Variants in DIAPH2 observed in about 807,000 individuals in gnomAD.
DIAPH2 encodes the protein diaphanous related formin 2.
Under a neutral mutation model 92.7 loss-of-function variants are expected in DIAPH2, and 35 were observed. The ratio of observed to expected loss-of-function variants is 0.38; its 90% CI spans 0.29 to 0.50. DIAPH2 has a LOEUF of 0.50. DIAPH2 is among the 20% of genes least tolerant of loss of function. The pLI is 0.94. For missense variants in DIAPH2, 701 were observed against 819.5 expected (o/e 0.86, Z 1.77); for synonymous variants, 301 against 280.4 (o/e 1.07, Z -0.73).
intron 4 of DIAPH2, among the ~76,000 whole-genome samples, chrX:96,784,918 A>G: frequency 8.9e-6 from 1 of 112,462 alleles, no homozygotes; most frequent in East Asian, 2.8e-4. Context: ...CATCTCAGAA[A>G]AGATGAGCAG....
intron 26 of DIAPH2, among the ~76,000 whole-genome samples, chrX:97,533,879 G>A (rs1193829660): frequency 9.0e-6 from 1 of 111,514 alleles, no homozygotes; most frequent in Non-Finnish European, 1.9e-5. Context: ...GAAGAATACC[G>A]TTGATTTCCT....
At chrX:97,459,496 C>T (rs1224263792) in intron 26 of DIAPH2, among the ~76,000 whole-genome samples, 1 of 112,072 alleles carries the variant, frequency 8.9e-6, no homozygotes, top group East Asian at 2.8e-4. Context: ...TTCTTAAATA[C>T]ATAATAGAGT....
intron 23 of DIAPH2, among the ~76,000 whole-genome samples, chrX:97,289,812 C>T (rs944109088): frequency 9.1e-6 from 1 of 109,333 alleles, no homozygotes; most frequent in Non-Finnish European, 1.9e-5. Flanking sequence ...GTAACCTCTG[C>T]CTCCTGGGTT....
intron 4 of DIAPH2, among the ~76,000 whole-genome samples, chrX:96,879,704 T>TACAG (rs1182613051): frequency 9.0e-6 from 1 of 111,180 alleles, no homozygotes; most frequent in African/African-American, 3.3e-5. Context: ...ACTGTGCCAT[T>TACAG]TAGGTGATGA....
At chrX:97,262,922 A>G (rs2081169975) in intron 23 of DIAPH2, among the ~76,000 whole-genome samples, 1 of 112,089 alleles carries the variant, frequency 8.9e-6, no homozygotes, top group Non-Finnish European at 1.9e-5. Context: ...GGTACAGCCT[A>G]TGTGGTAGGA....
intron 22 of DIAPH2, among the ~76,000 whole-genome samples, chrX:97,232,038 C>T (rs1427842044): frequency 9.0e-6 from 1 of 111,146 alleles, no homozygotes; most frequent in Non-Finnish European, 1.9e-5. Context: ...TTGGTCATCA[C>T]GAGTTATTCT....
intron 25 of DIAPH2, among the ~76,000 whole-genome samples, chrX:97,390,322 C>T (rs764756561): frequency 5.2e-5 from 5 of 95,690 alleles, no homozygotes; most frequent in Admixed American, 2.6e-4. Context: ...CGGGCTCAAA[C>T]GATCCTCCCA....
intron 22 of DIAPH2, among the ~76,000 whole-genome samples, chrX:97,209,872 CTTCTT>C (rs895169017): frequency 4.1e-4 from 45 of 110,364 alleles, no homozygotes; most frequent in African/African-American, 1.4e-3. Flanking sequence ...ACGGAAATCA[CTTCTT>C]TTTTTTATAT....
intron 26 of DIAPH2, among the ~76,000 whole-genome samples, chrX:97,432,398 G>T (rs749433929): frequency 2.7e-5 from 3 of 111,339 alleles, no homozygotes; most frequent in East Asian, 5.6e-4. Context: ...GGGTTCAAGA[G>T]ATTCTCGTGC....
At chrX:97,582,456 C>G (rs2071446947) in intron 26 of DIAPH2, among the ~76,000 whole-genome samples, 1 of 107,677 alleles carries the variant, frequency 9.3e-6, no homozygotes, top group South Asian at 4.3e-4. Context: ...ATATGAAATT[C>G]TGGGTTGAAA....
chrX:96,717,475 A>G (rs1602449603), intron 1 of DIAPH2, among the ~76,000 whole-genome samples: 2 of 107,018 alleles, frequency 1.9e-5, no homozygotes, highest in East Asian at 5.9e-4. Flanking sequence ...TTAGGACTGT[A>G]TATCCTCCCG....
At position 97,465,066 on chromosome X, in the gene DIAPH2, C is replaced by T. The variant is rs1312684335; in HGVS notation, c.3241+35321C>T. On this transcript the variant is annotated intron_variant, in intron 26 of 26. Transcript: ENST00000324765. ...TTCTCCATTTTGGTCAGGCTGGTCTCGAACTCCTGACCTCAGGTGATCTAC... is the reference window on the plus strand; with the variant it reads ...TTCTCCATTTTGGTCAGGCTGGTCTTGAACTCCTGACCTCAGGTGATCTAC... Among the ~76,000 whole-genome samples, 6 of 110,824 alleles carry T rather than the reference C, an allele frequency of 5.4e-5. No individual in the cohort carries two copies. In the South Asian group the frequency reaches 1.5e-3, roughly 29 times the overall value.
chrX:97,498,064 G>A (rs961618236), intron 26 of DIAPH2, among the ~76,000 whole-genome samples: 2 of 111,506 alleles, frequency 1.8e-5, no homozygotes, highest in Non-Finnish European at 3.8e-5. Context: ...CAGCACCTCT[G>A]ACATATTGAC....
chrX:97,326,106 CA>C (rs1248015935), intron 23 of DIAPH2, among the ~76,000 whole-genome samples: 1 of 111,932 alleles, frequency 8.9e-6, no homozygotes, highest in Admixed American at 9.5e-5. Context: ...AGAAGTCTAA[CA>C]AAAAATATTC....
chrX:96,821,501 GCAGT>G (rs1237981018), intron 4 of DIAPH2, among the ~76,000 whole-genome samples: 1 of 111,891 alleles, frequency 8.9e-6, no homozygotes, highest in East Asian at 2.8e-4. Flanking sequence ...AGATGGATAT[GCAGT>G]CAGTGATGAT....
chrX:97,480,808 CTG>C (rs1228571612), intron 26 of DIAPH2, among the ~76,000 whole-genome samples: 1 of 111,659 alleles, frequency 9.0e-6, no homozygotes, highest in Non-Finnish European at 1.9e-5. Flanking sequence ...TGCAGAAAGA[CTG>C]TTTCTTAGAA....
At chrX:97,335,513 A>G (rs1262510473) in intron 23 of DIAPH2, among the ~76,000 whole-genome samples, 4 of 111,849 alleles carry the variant, frequency 3.6e-5, no homozygotes. Context: ...CAAAATATAC[A>G]CATCAATCTC....
intron 21 of DIAPH2, among the ~76,000 whole-genome samples, chrX:97,123,446 T>C (rs947996842): frequency 1.8e-5 from 2 of 112,677 alleles, no homozygotes; most frequent in East Asian, 5.6e-4. Context: ...AGTATTTAAA[T>C]GTATAGAACA....
At chrX:96,796,304 C>T (rs772726465) in intron 4 of DIAPH2, among the ~76,000 whole-genome samples, 1 of 110,707 alleles carries the variant, frequency 9.0e-6, no homozygotes, top group Non-Finnish European at 1.9e-5. Flanking sequence ...CTCAGCCTCC[C>T]GAGTAGCTGG....
Sources: allele counts gnomAD v4.1 joint callset (sites outside exome capture counted in the v4.1 genomes callset), GRCh38; gene constraint gnomAD v4.1.1; transcripts MANE v1.5; gene names NCBI Gene and HGNC (gene_info 2026-07-23, HGNC 2026-07-21).